CNTNAP2: variants seen among roughly 807,000 people sequenced by gnomAD.
CNTNAP2 encodes the protein contactin associated protein 2, also known as contactin-associated protein-like 2.
A neutral mutation model predicts 155.2 loss-of-function variants in CNTNAP2; 98 were observed. That is an observed-to-expected ratio of 0.63 (90% CI 0.54 to 0.75). The LOEUF (loss-of-function observed/expected upper bound fraction) is 0.75. Ranked by LOEUF, CNTNAP2 falls within the 30% of genes least tolerant of loss-of-function variation. The pLI is 0.00. For synonymous variants in CNTNAP2, 651 were observed against 631.2 expected, an observed-to-expected ratio of 1.03 and a Z score of -0.47; for missense variants, 1,727 against 1,688.1, an observed-to-expected ratio of 1.02 and a Z score of -0.40.
In CNTNAP2 at chr7:147,534,456, A is replaced by G. The variant is rs116648207; in HGVS notation, c.1778-27682A>G. ...AGGCCTCCTTAGGATACAGAAGAATAAGCCAGTAGTACCCTTACACGGAAC... is the reference window on the plus strand; with the variant it reads ...AGGCCTCCTTAGGATACAGAAGAATGAGCCAGTAGTACCCTTACACGGAAC... On this transcript the variant is annotated intron_variant, in intron 11 of 23. Coordinates refer to ENST00000361727, the MANE Select transcript of CNTNAP2 (RefSeq NM_014141.6). Among the ~76,000 whole-genome samples, 1,146 of 152,258 alleles carry G rather than the reference A, an allele frequency of 7.5e-3. 16 individuals are homozygous for G. Among genetic ancestry groups the G allele is most frequent in the African/African-American group, 0.026 (1,097 of 41,548 alleles).
At chr7:146,274,509 A>G (rs988016569) in intron 1 of CNTNAP2, among the ~76,000 whole-genome samples, 8 of 152,124 alleles carry the variant, frequency 5.3e-5, no homozygotes, top group African/African-American at 1.9e-4. Flanking sequence ...GGCAGTTTTA[A>G]ATTAAACTGC....
intron 1 of CNTNAP2, among the ~76,000 whole-genome samples, chr7:146,137,805 A>G (rs1431191574): frequency 6.6e-6 from 1 of 151,970 alleles, no homozygotes; most frequent in African/African-American, 2.4e-5. Context: ...CACTTTAAGT[A>G]AAATCATAAT....
intron 13 of CNTNAP2, among the ~76,000 whole-genome samples, chr7:147,657,812 T>C (rs563696502): frequency 1.3e-5 from 2 of 152,366 alleles, no homozygotes; most frequent in Admixed American, 1.3e-4. Context: ...AGAGATTTTA[T>C]CTGAAGCAAC....
At chr7:146,319,469 C>T (rs1196344804) in intron 1 of CNTNAP2, among the ~76,000 whole-genome samples, 5 of 151,882 alleles carry the variant, frequency 3.3e-5, no homozygotes, top group Non-Finnish European at 4.4e-5. Flanking sequence ...TTTAGTAGAC[C>T]GGGGTACAAA....
rs71183019 is a variant in CNTNAP2, at chr7:147,583,503, C to CATATATATATAT, written c.1897+21264_1897+21275dup. On this transcript the variant is annotated intron_variant, in intron 12 of 23. Coordinates refer to ENST00000361727, the MANE Select transcript of CNTNAP2 (RefSeq NM_014141.6). ...TTATATATATATATAAAAGACATGA[C>CATATATATATAT]ATATATATATATATATATATATATA... is the stretch of plus-strand genomic sequence containing the variant. Among the ~76,000 whole-genome samples, 1,039 of 129,032 alleles carry CATATATATATAT rather than the reference C, an allele frequency of 8.1e-3. 15 individuals carry two copies. Among genetic ancestry groups the CATATATATATAT allele is most frequent in the African/African-American group, 0.021 (693 of 33,128 alleles). The allele number at this position is 129,032 out of a possible 152,430, so 84.7% of individuals were successfully genotyped here.
chr7:148,141,728 G>A (rs565289581), intron 16 of CNTNAP2, among the ~76,000 whole-genome samples: 1 of 152,288 alleles, frequency 6.6e-6, no homozygotes, highest in African/African-American at 2.4e-5. Flanking sequence ...GGATTAAAGG[G>A]GAAAGGACAG....
In CNTNAP2 at chr7:146,467,442, C is replaced by A. The variant is rs374471302; in HGVS notation, c.98-306829C>A. ...TAGTAAATAGGTTTTCAGGTCATTTCTGATAAAGTTAAATGTGGTTGTCAT... is the reference window on the plus strand; with the variant it reads ...TAGTAAATAGGTTTTCAGGTCATTTATGATAAAGTTAAATGTGGTTGTCAT... On this transcript the variant is annotated intron_variant, in intron 1 of 23. Coordinates refer to ENST00000361727, the MANE Select transcript of CNTNAP2 (RefSeq NM_014141.6). Among the ~76,000 whole-genome samples, 103 of 152,186 alleles carry A rather than the reference C, an allele frequency of 6.8e-4. 1 individual carries two copies. Among genetic ancestry groups the A allele is most frequent in the African/African-American group, 2.3e-3 (97 of 41,562 alleles).
chr7:146,752,942 T>C (rs914722786), intron 1 of CNTNAP2, among the ~76,000 whole-genome samples: 4 of 152,152 alleles, frequency 2.6e-5, no homozygotes, highest in African/African-American at 9.7e-5. Flanking sequence ...ACCTTAATAA[T>C]AATTACAGAG....
chr7:146,935,971 A>G (rs947194747), intron 3 of CNTNAP2, among the ~76,000 whole-genome samples: 13 of 152,172 alleles, frequency 8.5e-5, no homozygotes, highest in African/African-American at 3.1e-4. Context: ...AAGGTTTTAA[A>G]TGTTTGCATT....
intron 15 of CNTNAP2, among the ~76,000 whole-genome samples, chr7:147,986,704 A>G (rs910789664): frequency 6.6e-6 from 1 of 152,152 alleles, no homozygotes; most frequent in Non-Finnish European, 1.5e-5. Context: ...GACCTGGAAC[A>G]ATGACCTTGG....
chr7:146,866,998 G>T (rs984357364), intron 3 of CNTNAP2, among the ~76,000 whole-genome samples: 3 of 151,988 alleles, frequency 2.0e-5, no homozygotes, highest in Admixed American at 6.6e-5. Flanking sequence ...AACCTAGAAG[G>T]ATATATGGAA....
chr7:148,281,276 G>C (rs1311995017), intron 21 of CNTNAP2, among the ~76,000 whole-genome samples: 2 of 152,216 alleles, frequency 1.3e-5, no homozygotes, highest in Non-Finnish European at 2.9e-5. Context: ...AGATTAAACT[G>C]CCTGCAACTT....
At chr7:146,172,978 G>T (rs1365548560) in intron 1 of CNTNAP2, among the ~76,000 whole-genome samples, 1 of 151,624 alleles carries the variant, frequency 6.6e-6, no homozygotes, top group Non-Finnish European at 1.5e-5. Context: ...CTGTGTGTGT[G>T]TTTTTTTTCT....
At chr7:146,979,792 T>C (rs527293491) in intron 3 of CNTNAP2, among the ~76,000 whole-genome samples, 34 of 152,320 alleles carry the variant, frequency 2.2e-4, no homozygotes, top group African/African-American at 7.7e-4. Flanking sequence ...ATAATAACTA[T>C]GTAAGCTGAA....
intron 2 of CNTNAP2, among the ~76,000 whole-genome samples, chr7:146,806,198 A>G (rs1368557851): frequency 6.6e-6 from 1 of 152,124 alleles, no homozygotes; most frequent in Non-Finnish European, 1.5e-5. Flanking sequence ...ATATATTTGC[A>G]ATGAAAACTG....
At chr7:146,732,971 G>T (rs1451337412) in intron 1 of CNTNAP2, among the ~76,000 whole-genome samples, 1 of 152,106 alleles carries the variant, frequency 6.6e-6, no homozygotes. Flanking sequence ...GATACAGGGT[G>T]AAAGTGTGAC....
Position 147,132,373 on chromosome 7 carries a change from GA to G in CNTNAP2, c.1214del (p.Asn405ThrfsTer38). 3 of 1,613,672 alleles carry G rather than the reference GA, an allele frequency of 1.9e-6. No homozygotes were observed. Among genetic ancestry groups the G allele is most frequent in the Non-Finnish European group, 2.5e-6 (3 of 1,179,796 alleles). On this transcript the variant is annotated frameshift_variant, in exon 8 of 24. Coordinates refer to ENST00000361727, the MANE Select transcript of CNTNAP2 (RefSeq NM_014141.6). LOFTEE classifies it high-confidence loss of function. ...CAGTCAGTTTCCAGTTTAGGACATG[GA>G]ACCCCAATGGTCTCCTGGTCTTCAG... Reference protein sequence around the residue: ...FSVSFQFRTWNPNGLLVFSHF... With the variant: ...FSVSFQFRTWXPNGLLVFSHF...
intron 1 of CNTNAP2, among the ~76,000 whole-genome samples, chr7:146,711,310 TTA>T (rs1204761053): frequency 1.3e-4 from 19 of 141,070 alleles, no homozygotes; most frequent in Admixed American, 1.1e-3. Flanking sequence ...TATGTATATA[TTA>T]TATGTGTATA....
intron 4 of CNTNAP2, among the ~76,000 whole-genome samples, chr7:147,049,645 G>T (rs756094412): frequency 6.6e-6 from 1 of 152,260 alleles, no homozygotes; most frequent in South Asian, 2.1e-4. Flanking sequence ...GATCCTGCCC[G>T]TGGAAGAGAG....
Sources: gnomAD v4.1 joint callset for allele counts (sites outside exome capture counted in the v4.1 genomes callset) on GRCh38, gnomAD v4.1.1 for gene constraint, MANE v1.5 for transcripts, NCBI Gene and HGNC (gene_info 2026-07-23, HGNC 2026-07-21) for gene names.